Variants in POLN observed in about 807,000 individuals in gnomAD.
The protein encoded by POLN is DNA polymerase N.
In POLN, 108 loss-of-function variants were observed where a neutral mutation model predicts 113.5. The ratio of observed to expected loss-of-function variants is 0.95; its 90% CI spans 0.81 to 1.12. POLN has a LOEUF of 1.12. Ranked by LOEUF, POLN falls within the 50% of genes most tolerant of loss-of-function variation. The pLI, the probability that POLN is intolerant of heterozygous loss-of-function variation, is 0.00. For synonymous variants in POLN, 386 were observed against 391.5 expected (o/e 0.99, Z 0.17); for missense variants, 1,097 against 1,077.1 (o/e 1.02, Z -0.26).
intron 3 of POLN, among the ~76,000 whole-genome samples, chr4:2,222,711 T>TTTTTG (rs767594412): frequency 5.4e-5 from 8 of 147,710 alleles, no homozygotes; most frequent in African/African-American, 2.1e-4. Context: ...TTTTTTTTTT[T>TTTTTG]TATTTTTCCA....
At chr4:2,229,272 C>T (rs568518085) in intron 2 of POLN, 29 bp from the exon 3 acceptor site, 6 of 1,507,952 alleles carry the variant, frequency 4.0e-6, no homozygotes, top group Admixed American at 4.2e-5. Flanking sequence ...TAAGATAAAT[C>T]CCATATATTA....
chr4:2,079,338 A>G lies in POLN; in HGVS notation c.2387+1620T>C, dbSNP rs895452474. On this transcript the variant is annotated intron_variant, in intron 23 of 25. Coordinates refer to ENST00000511885, the MANE Select transcript of POLN (RefSeq NM_181808.4). ...CACAAGCTGCTCATATCCTGGGAGA[A>G]GCTATAATTTACCTGCAGAAACTGT... 2.0e-5 allele frequency: 16 copies of G among 806,092 alleles called. No individual in the cohort carries two copies. In the African/African-American group the frequency reaches 3.0e-4, roughly 15 times the overall value. The allele number at this position is 806,092 out of a possible 1,614,324, so 49.9% of individuals were successfully genotyped here.
intron 16 of POLN, among the ~76,000 whole-genome samples, chr4:2,148,940 G>A (rs962436418): frequency 6.6e-6 from 1 of 152,130 alleles, no homozygotes; most frequent in African/African-American, 2.4e-5. Context: ...CCTTTTAACT[G>A]AGAATTTTAT....
At chr4:2,118,179 C>T (rs2108716802) in intron 19 of POLN, among the ~76,000 whole-genome samples, 1 of 152,288 alleles carries the variant, frequency 6.6e-6, no homozygotes, top group Admixed American at 6.5e-5. Context: ...TTTTTACTCT[C>T]TTTTTGCCAG....
At position 2,072,181 on chromosome 4, in the gene POLN, G is replaced by A. The variant is rs1428907670; in HGVS notation, c.2636C>T (p.Ala879Val). The change falls in exon 26 of 26, where the codon GCT becomes GTT. Residue 879 changes from alanine to valine, a missense_variant. Transcript: ENST00000511885. ...GGTGCTGGCAGGGGACCCAGGGGCA[G>A]CCAGGCTGTTGCTGGGAGACTCAGT... is the stretch of plus-strand genomic sequence containing the variant. ...CRTESPSNSLAAPGSPASTQP... is the reference protein window; with the variant it reads ...CRTESPSNSLVAPGSPASTQP... 6.2e-7 allele frequency: 1 copy of A among 1,611,458 alleles called. No homozygotes were observed. The highest frequency in any genetic ancestry group is 1.3e-5 in the African/African-American group (1 of 74,992).
At chr4:2,077,953 G>A (rs1007589021) in intron 23 of POLN, among the ~76,000 whole-genome samples, 1 of 152,224 alleles carries the variant, frequency 6.6e-6, no homozygotes, top group African/African-American at 2.4e-5. Flanking sequence ...GTTCCTGAGA[G>A]GGGTCGGCCA....
chr4:2,091,801 G>A (rs1393194502), intron 20 of POLN, among the ~76,000 whole-genome samples: 1 of 93,434 alleles, frequency 1.1e-5, no homozygotes, highest in Non-Finnish European at 2.1e-5. Flanking sequence ...GTGTGTGTGT[G>A]CGCGCGCTAC....
At chr4:2,089,667 G>C (rs1198350718) in intron 20 of POLN, 4 of 715,656 alleles carry the variant, frequency 5.6e-6, no homozygotes, top group Non-Finnish European at 9.3e-6. Flanking sequence ...TTCCTAAACT[G>C]TCCTGTACTG....
Position 2,236,389 on chromosome 4 carries a change from C to T in POLN, c.-13+5131G>A, listed in dbSNP as rs1375024051. 4 of 1,613,602 alleles carry T rather than the reference C, an allele frequency of 2.5e-6. No homozygotes were observed. In the East Asian group the frequency reaches 6.7e-5, roughly 27 times the overall value. ...TTCTGTTTCAATTTCTCAGCCACTT[C>T]CTCAAGGTTTCCATGAGTTAGAAAC... On this transcript the variant is annotated intron_variant, in intron 2 of 25. Transcript: ENST00000511885.
intron 19 of POLN, among the ~76,000 whole-genome samples, chr4:2,125,704 A>G (rs1282396156): frequency 6.6e-6 from 1 of 152,140 alleles, no homozygotes; most frequent in Non-Finnish European, 1.5e-5. Flanking sequence ...GGAGATAACA[A>G]TGGGTCTATG....
chr4:2,189,620 C>A (rs1733385399), intron 7 of POLN, among the ~76,000 whole-genome samples: 2 of 138,336 alleles, frequency 1.4e-5, no homozygotes, highest in South Asian at 4.4e-4. Context: ...GCCTGGGCGA[C>A]AGAGAGAGAC....
At chr4:2,238,827 G>T (rs1319515737) in intron 2 of POLN, 5 of 1,612,324 alleles carry the variant, frequency 3.1e-6, no homozygotes, top group South Asian at 1.1e-5. Flanking sequence ...TTTATTAATT[G>T]ATTTAAAACT....
chr4:2,073,099 G>A, intron 24 of POLN, 70 bp from the exon 25 acceptor site: 3 of 1,498,352 alleles, frequency 2.0e-6, no homozygotes, highest in Non-Finnish European at 2.8e-6. Flanking sequence ...GAAGATAAGA[G>A]AACTTTCAGG....
intron 20 of POLN, chr4:2,089,390 G>A: frequency 1.4e-6 from 2 of 1,384,132 alleles, no homozygotes; most frequent in African/African-American, 1.5e-5. Context: ...CCCAAACTTA[G>A]ATCTGTGAAA....
At chr4:2,176,705 C>T (rs974926575) in intron 8 of POLN, among the ~76,000 whole-genome samples, 7 of 152,156 alleles carry the variant, frequency 4.6e-5, no homozygotes, top group African/African-American at 1.4e-4. Context: ...CAGCTCCATT[C>T]TCTCAGCCTT....
At chr4:2,177,809 G>A (rs1733032315) in intron 8 of POLN, among the ~76,000 whole-genome samples, 1 of 152,218 alleles carries the variant, frequency 6.6e-6, no homozygotes, top group Admixed American at 6.5e-5. Flanking sequence ...CTGGTGGGGT[G>A]TAGACACATG....
chr4:2,085,551 T>A (rs1034933770), intron 21 of POLN, 62 bp downstream of exon 21: 14 of 1,598,996 alleles, frequency 8.8e-6, no homozygotes, highest in Non-Finnish European at 1.2e-5. Context: ...CACGCAGCTG[T>A]CCCCCCATCC....
chr4:2,099,479 G>T (rs1730873284), intron 19 of POLN, among the ~76,000 whole-genome samples: 1 of 152,138 alleles, frequency 6.6e-6, no homozygotes, highest in South Asian at 2.1e-4. Context: ...ACCAATTGAG[G>T]GACATTCTAC....
chr4:2,175,477 TTC>T (rs1732972628), intron 9 of POLN, among the ~76,000 whole-genome samples: 1 of 152,262 alleles, frequency 6.6e-6, no homozygotes, highest in Non-Finnish European at 1.5e-5. Context: ...TTACCAATAA[TTC>T]TCATTGATTT....
Sources: allele counts gnomAD v4.1 joint callset (sites outside exome capture counted in the v4.1 genomes callset), GRCh38; gene constraint gnomAD v4.1.1; transcripts MANE v1.5; gene names NCBI Gene and HGNC (gene_info 2026-07-23, HGNC 2026-07-21).